The following RIMS1 variants were observed in gnomAD, a reference collection of about 807,000 sequenced individuals.
RIMS1 encodes regulating synaptic membrane exocytosis 1, also known as regulating synaptic membrane exocytosis protein 1.
Under a neutral mutation model 214.1 loss-of-function variants are expected in RIMS1, and 83 were observed. The observed-to-expected ratio is 0.39, with a 90% CI of 0.32 to 0.47. The LOEUF is 0.47. RIMS1 is among the 20% of genes least tolerant of loss of function. RIMS1 has a pLI of 0.99. For missense variants in RIMS1, 2,050 were observed against 2,161.8 expected (o/e 0.95, Z 1.03); for synonymous variants, 793 against 786.8 (o/e 1.01, Z -0.13).
chr6:72,184,795 G>A (rs2048869188), intron 6 of RIMS1, among the ~76,000 whole-genome samples: 1 of 151,458 alleles, frequency 6.6e-6, no homozygotes, highest in Non-Finnish European at 1.5e-5. Context: ...AGGACATTTA[G>A]TAGTAAGGAA....
intron 4 of RIMS1, among the ~76,000 whole-genome samples, chr6:72,167,772 G>C (rs1275174964): frequency 6.6e-6 from 1 of 151,968 alleles, no homozygotes. Context: ...TCTAGGCTCT[G>C]TAGTGCTGTC....
At chr6:71,953,454 G>A (rs1437649222) in intron 1 of RIMS1, among the ~76,000 whole-genome samples, 5 of 152,150 alleles carry the variant, frequency 3.3e-5, no homozygotes, top group East Asian at 1.9e-4. Flanking sequence ...GAAGTGGGAC[G>A]GTGGGGTGGA....
chr6:72,093,959 T>A (rs965502286), intron 2 of RIMS1, among the ~76,000 whole-genome samples: 1 of 152,174 alleles, frequency 6.6e-6, no homozygotes, highest in Non-Finnish European at 1.5e-5. Context: ...AATTACTGCT[T>A]CTCTTTCATT....
At chr6:72,151,066 G>A (rs1053293230) in intron 4 of RIMS1, among the ~76,000 whole-genome samples, 40 of 151,512 alleles carry the variant, frequency 2.6e-4, no homozygotes, top group East Asian at 1.4e-3. Context: ...TTTTTGAGAC[G>A]GAGTCTCGCT....
At chr6:72,395,086 T>C (rs926618995) in intron 31 of RIMS1, among the ~76,000 whole-genome samples, 1 of 152,002 alleles carries the variant, frequency 6.6e-6, no homozygotes, top group African/African-American at 2.4e-5. Context: ...ACAAGAACTA[T>C]AGAATACCAC....
At chr6:72,368,016 T>C (rs2098093442) in intron 29 of RIMS1, among the ~76,000 whole-genome samples, 1 of 152,172 alleles carries the variant, frequency 6.6e-6, no homozygotes, top group Non-Finnish European at 1.5e-5. Flanking sequence ...GTACTTAGGA[T>C]GGCTTTAATA....
At chr6:72,333,957 A>T (rs1274251245) in intron 29 of RIMS1, 122 bp downstream of exon 29, 59 of 714,056 alleles carry the variant, frequency 8.3e-5, no homozygotes, top group Non-Finnish European at 1.2e-4. Flanking sequence ...AAGAAAATTT[A>T]TTTTTCTGTC....
At chr6:72,011,698 ACATTTATG>A (rs1440725606) in intron 2 of RIMS1, among the ~76,000 whole-genome samples, 1 of 152,270 alleles carries the variant, frequency 6.6e-6, no homozygotes, top group Non-Finnish European at 1.5e-5. Flanking sequence ...TCAAAAGAAG[ACATTTATG>A]CAGCCAAAAG....
intron 1 of RIMS1, among the ~76,000 whole-genome samples, chr6:71,964,170 G>C (rs939476066): frequency 2.6e-4 from 39 of 152,166 alleles, no homozygotes; most frequent in Non-Finnish European, 4.9e-4. Context: ...CTTTAAAGAA[G>C]TAAGGGGTTT....
At chr6:71,913,185 T>G (rs554005803) in intron 1 of RIMS1, among the ~76,000 whole-genome samples, 6 of 152,188 alleles carry the variant, frequency 3.9e-5, no homozygotes, top group African/African-American at 1.4e-4. Context: ...ATATGTGAAA[T>G]ATTTTATCAT....
At chr6:72,276,740 C>T (rs569331202) in intron 23 of RIMS1, among the ~76,000 whole-genome samples, 6 of 152,138 alleles carry the variant, frequency 3.9e-5, no homozygotes, top group African/African-American at 1.4e-4. Flanking sequence ...CAAATATGTA[C>T]GTATAAAATG....
chr6:72,034,319 G>T (rs931846078), intron 2 of RIMS1, among the ~76,000 whole-genome samples: 7 of 152,064 alleles, frequency 4.6e-5, no homozygotes, highest in Non-Finnish European at 1.0e-4. Flanking sequence ...AAATTTAACT[G>T]CTGTCCTCTA....
chr6:72,175,085 T>G (rs1312709606), intron 4 of RIMS1, among the ~76,000 whole-genome samples: 1 of 152,160 alleles, frequency 6.6e-6, no homozygotes, highest in African/African-American at 2.4e-5. Context: ...AAATATTACC[T>G]TGATAATTTT....
intron 2 of RIMS1, among the ~76,000 whole-genome samples, chr6:72,090,900 C>T (rs78066321): frequency 0.013 from 2,030 of 152,252 alleles, 23 homozygotes; most frequent in South Asian, 0.04. Flanking sequence ...TTTGGAGGCT[C>T]TTAATCAGTC....
At chr6:72,131,262 T>C (rs999055652) in intron 4 of RIMS1, among the ~76,000 whole-genome samples, 1 of 152,182 alleles carries the variant, frequency 6.6e-6, no homozygotes, top group Non-Finnish European at 1.5e-5. Context: ...AGGAGTATGA[T>C]GACCTAACAA....
At chr6:71,922,051 T>C (rs970234115) in intron 1 of RIMS1, among the ~76,000 whole-genome samples, 10 of 152,184 alleles carry the variant, frequency 6.6e-5, no homozygotes, top group African/African-American at 2.4e-4. Flanking sequence ...CCAGCTTCGG[T>C]CTATTTCCCT....
intron 4 of RIMS1, among the ~76,000 whole-genome samples, chr6:72,144,684 G>T (rs1587999962): frequency 6.6e-6 from 1 of 151,456 alleles, no homozygotes; most frequent in East Asian, 1.9e-4. Context: ...GGCAGGATTT[G>T]CAGGATAATT....
At chr6:71,919,218 A>G (rs1231977935) in intron 1 of RIMS1, among the ~76,000 whole-genome samples, 1 of 152,110 alleles carries the variant, frequency 6.6e-6, no homozygotes, top group African/African-American at 2.4e-5. Context: ...TACTAGTGAT[A>G]GTGTCAGTGG....
At chr6:72,092,291 CCCTTCCTTCCTT>C (rs1554220983) in intron 2 of RIMS1, among the ~76,000 whole-genome samples, 1 of 107,938 alleles carries the variant, frequency 9.3e-6, no homozygotes, top group South Asian at 3.6e-4. Context: ...CTCCCTCCCT[CCCTTCCTTCCTT>C]CCTTCCTTCC....
Sources: allele counts gnomAD v4.1 joint callset (sites outside exome capture counted in the v4.1 genomes callset), GRCh38; gene constraint gnomAD v4.1.1; transcripts MANE v1.5; gene names NCBI Gene and HGNC (gene_info 2026-07-23, HGNC 2026-07-21).